Variants in PDK1 observed in about 807,000 individuals in gnomAD.
PDK1 encodes [Pyruvate dehydrogenase (acetyl-transferring)] kinase isozyme 1, mitochondrial.
PDK1 carries 39 observed loss-of-function variants against 54.2 expected under a neutral mutation model. The ratio of observed to expected loss-of-function variants is 0.72; its 90% CI spans 0.56 to 0.94. The LOEUF (loss-of-function observed/expected upper bound fraction) is 0.94. PDK1 is among the 40% of genes least tolerant of loss of function. The pLI is 0.00. For synonymous variants in PDK1, 221 were observed against 207.1 expected, an observed-to-expected ratio of 1.07 and a Z score of -0.58; for missense variants, 552 against 566.0, an observed-to-expected ratio of 0.98 and a Z score of 0.25.
At chr2:172,689,266 C>G in the PDK1 span, among the ~76,000 whole-genome samples, 1 of 152,192 alleles carries the variant, frequency 6.6e-6, no homozygotes, top group Non-Finnish European at 1.5e-5. Flanking sequence ...CTGATTGGAG[C>G]ATTTTACAAA....
chr2:172,608,426 A>T lies in PDK1; in HGVS notation c.*12457A>T, dbSNP rs1277047410. 1 of 150,118 alleles carries T rather than the reference A, an allele frequency of 6.7e-6. No homozygotes were observed. The highest frequency in any genetic ancestry group is 1.9e-4 in the East Asian group (1 of 5,202). 9.3% of individuals were successfully genotyped at this position (150,118 alleles called of 1,614,324 possible). The stretch of plus-strand genomic sequence containing the variant: ...TTTGCAATGTCCATAAACTCAGAAG[A>T]AGTTAGTATTAACGGGGATATGAAA... On this transcript the variant is annotated 3_prime_UTR_variant, in exon 11 of 11. Transcript: ENST00000282077.
At chr2:172,647,696 C>T in the PDK1 span, among the ~76,000 whole-genome samples, 1 of 152,242 alleles carries the variant, frequency 6.6e-6, no homozygotes, top group Non-Finnish European at 1.5e-5. Flanking sequence ...CACTATGAAG[C>T]AAGCTCTACC....
chr2:172,718,082 G>A, the PDK1 span, among the ~76,000 whole-genome samples: 94,371 of 152,060 alleles, frequency 0.62, 29,491 homozygotes, highest in East Asian at 0.9. Flanking sequence ...TGGAAAAGTA[G>A]AAGAAACCAG....
chr2:172,648,694 C>A, the PDK1 span, among the ~76,000 whole-genome samples: 41 of 152,324 alleles, frequency 2.7e-4, no homozygotes, highest in South Asian at 1.0e-3. Context: ...TATCCCGCGC[C>A]TGGCTCGGAG....
At chr2:172,560,527 A>G (rs6752257) in intron 2 of PDK1, among the ~76,000 whole-genome samples, 30,977 of 152,120 alleles carry the variant, frequency 0.2, 4,186 homozygotes, top group African/African-American at 0.38. Flanking sequence ...TTTGCGTAAG[A>G]CAGTACCATT....
At chr2:172,555,889 C>T (rs1325879877), upstream of PDK1, 11 of 336,722 alleles carry the variant, frequency 3.3e-5, no homozygotes, top group Non-Finnish European at 5.9e-5. Context: ...GCGCGCTCCG[C>T]ATCTCCTTCC....
rs1686603477 is a variant in PDK1, at chr2:172,608,338, G to A, written c.*12369G>A. On this transcript the variant is annotated 3_prime_UTR_variant, in exon 11 of 11. Transcript: ENST00000282077. ...TTATAACATTTTCCTTCCGATTCTA[G>A]GTGATTATATAGCTAGTTTACTCTT... 1 of 152,154 alleles carries A rather than the reference G, an allele frequency of 6.6e-6. No homozygotes were observed. The highest frequency in any genetic ancestry group is 6.6e-5 in the Admixed American group (1 of 15,266). The allele number at this position is 152,154 out of a possible 1,614,324, so 9.4% of individuals were successfully genotyped here. A position where few individuals can be genotyped will look rare whatever the true frequency, so the allele number is the denominator to read the frequency against.
chr2:172,562,187 A>G (rs763292159), intron 2 of PDK1, 33 bp from the exon 3 acceptor site: 1 of 1,183,872 alleles, frequency 8.4e-7, no homozygotes, highest in Non-Finnish European at 1.2e-6. Flanking sequence ...AGAATATAAA[A>G]GAACAAACTT....
chr2:172,639,729 G>A, the PDK1 span, among the ~76,000 whole-genome samples: 1 of 152,126 alleles, frequency 6.6e-6, no homozygotes, highest in African/African-American at 2.4e-5. Flanking sequence ...TTTGAGGGAC[G>A]TTGGGTCATG....
At position 172,565,507 on chromosome 2, in the gene PDK1, T is replaced by C. The variant is rs866923916; in HGVS notation, c.691+434T>C. Among the ~76,000 whole-genome samples the C allele has an allele frequency of 7.9e-5, 12 of 152,136 alleles. 1 individual carries two copies. The highest frequency in any genetic ancestry group is 1.3e-4 in the Non-Finnish European group (9 of 68,036). On this transcript the variant is annotated intron_variant, in intron 5 of 10. Coordinates refer to ENST00000282077, the MANE Select transcript of PDK1 (RefSeq NM_002610.5). ...TTAGTGCAGGCAGGGTTTTACCATG[T>C]TGGCCAGGCTGGTCTGGAACTCCTG... is the stretch of plus-strand genomic sequence containing the variant.
chr2:172,587,634 G>A (rs751917229), intron 9 of PDK1, among the ~76,000 whole-genome samples: 3 of 152,186 alleles, frequency 2.0e-5, no homozygotes, highest in Admixed American at 2.0e-4. Context: ...CAGCCTGGAA[G>A]GGTACCAGAG....
chr2:172,618,177 T>C, the PDK1 span, among the ~76,000 whole-genome samples: 2 of 152,190 alleles, frequency 1.3e-5, no homozygotes, highest in Admixed American at 6.5e-5. Flanking sequence ...AGTGAGATGG[T>C]AGACTATGTA....
downstream of PDK1, among the ~76,000 whole-genome samples, chr2:172,611,164 A>T (rs1184727531): frequency 1.3e-5 from 2 of 152,344 alleles, no homozygotes; most frequent in East Asian, 3.9e-4. Flanking sequence ...GTTTAGATTC[A>T]TGAACAAGTT....
the PDK1 span, among the ~76,000 whole-genome samples, chr2:172,657,904 G>A: frequency 3.3e-5 from 5 of 152,284 alleles, no homozygotes; most frequent in African/African-American, 1.2e-4. Context: ...CATGATGCCG[G>A]CATCTTCTTC....
chr2:172,720,255 C>T, the PDK1 span, among the ~76,000 whole-genome samples: 1 of 151,924 alleles, frequency 6.6e-6, no homozygotes, highest in South Asian at 2.1e-4. Context: ...GCTGGGATTA[C>T]AGGCATGCGC....
At chr2:172,649,639 T>C in the PDK1 span, among the ~76,000 whole-genome samples, 1 of 152,106 alleles carries the variant, frequency 6.6e-6, no homozygotes, top group Non-Finnish European at 1.5e-5. Flanking sequence ...AGAGAAGTCC[T>C]TAAATGACCT....
Position 172,572,758 on chromosome 2 carries a change from A to G in PDK1, c.945+1934A>G, listed in dbSNP as rs151101857. The stretch of plus-strand genomic sequence containing the variant: ...AAAAAAAGGAAAATACGCAGTACCT[A>G]TGAAGTCACTTCCCGTTTTTCTCTC... On this transcript the variant is annotated intron_variant, in intron 8 of 10. Coordinates refer to ENST00000282077, the MANE Select transcript of PDK1 (RefSeq NM_002610.5). Among the ~76,000 whole-genome samples the G allele has an allele frequency of 8.7e-3, 1,322 of 152,288 alleles. 13 individuals carry two copies. Among genetic ancestry groups the G allele is most frequent in the Non-Finnish European group, 0.014 (984 of 68,006 alleles).
At chr2:172,662,789 G>A in the PDK1 span, among the ~76,000 whole-genome samples, 1 of 151,886 alleles carries the variant, frequency 6.6e-6, no homozygotes, top group Admixed American at 6.6e-5. Context: ...CTAGAAAAAA[G>A]GTGCATGCAT....
At chr2:172,564,063 A>G (rs1688801248) in intron 3 of PDK1, 1 of 471,868 alleles carries the variant, frequency 2.1e-6, no homozygotes, top group Non-Finnish European at 4.4e-6. Flanking sequence ...GAATAGGTCC[A>G]AAACAGGCAG....
Sources: allele counts gnomAD v4.1 joint callset (sites outside exome capture counted in the v4.1 genomes callset), GRCh38; gene constraint gnomAD v4.1.1; transcripts MANE v1.5; gene names NCBI Gene and HGNC (gene_info 2026-07-23, HGNC 2026-07-21).